Variants in SNTG1 observed in about 807,000 individuals in gnomAD.
SNTG1 encodes the protein syntrophin gamma 1.
A neutral mutation model predicts 74.7 loss-of-function variants in SNTG1; 39 were observed. The observed-to-expected ratio is 0.52, with a 90% CI of 0.40 to 0.68. The LOEUF is 0.68. Ranked by LOEUF, SNTG1 falls within the 30% of genes least tolerant of loss-of-function variation. The pLI, the probability that SNTG1 is intolerant of heterozygous loss-of-function variation, is 0.00. For missense variants in SNTG1, 685 were observed against 609.5 expected (o/e 1.12, Z -1.30); for synonymous variants, 254 against 217.1 (o/e 1.17, Z -1.49).
intron 4 of SNTG1, among the ~76,000 whole-genome samples, chr8:50,415,427 TA>T (rs1269744644): frequency 6.6e-6 from 1 of 152,130 alleles, no homozygotes; most frequent in Non-Finnish European, 1.5e-5. Context: ...AATATAAGGT[TA>T]ATGTAATTGA....
At chr8:50,072,648 G>T (rs1821472107) in intron 1 of SNTG1, among the ~76,000 whole-genome samples, 1 of 152,146 alleles carries the variant, frequency 6.6e-6, no homozygotes, top group South Asian at 2.1e-4. Flanking sequence ...AGTACTTGAA[G>T]ATGATGTACA....
chr8:50,691,673 C>T (rs2095380272), intron 15 of SNTG1, among the ~76,000 whole-genome samples: 1 of 152,096 alleles, frequency 6.6e-6, no homozygotes, highest in African/African-American at 2.4e-5. Flanking sequence ...TCTCTGGCTG[C>T]CCTTAACATT....
chr8:50,502,512 A>G (rs1365019043), intron 8 of SNTG1, among the ~76,000 whole-genome samples: 1 of 152,194 alleles, frequency 6.6e-6, no homozygotes, highest in Non-Finnish European at 1.5e-5. Flanking sequence ...CCTAATATAG[A>G]GCATAAACTC....
At chr8:50,538,863 T>TA (rs1342091831) in intron 11 of SNTG1, among the ~76,000 whole-genome samples, 1 of 152,136 alleles carries the variant, frequency 6.6e-6, no homozygotes, top group African/African-American at 2.4e-5. Context: ...AGAAACTTTT[T>TA]AAAAAATCTG....
At chr8:50,070,177 T>C (rs1482687155) in intron 1 of SNTG1, among the ~76,000 whole-genome samples, 1 of 152,202 alleles carries the variant, frequency 6.6e-6, no homozygotes, top group Non-Finnish European at 1.5e-5. Flanking sequence ...AAGAAGAACA[T>C]GTTCACTGGG....
At chr8:50,377,467 G>GT (rs1037268605) in intron 2 of SNTG1, among the ~76,000 whole-genome samples, 238 of 151,480 alleles carry the variant, frequency 1.6e-3, no homozygotes, top group African/African-American at 5.6e-3. Context: ...CATCTCATTT[G>GT]TTTTTTTTCT....
chr8:49,920,035 C>T (rs1806391344), intron 1 of SNTG1, among the ~76,000 whole-genome samples: 1 of 152,042 alleles, frequency 6.6e-6, no homozygotes, highest in Non-Finnish European at 1.5e-5. Context: ...TCTCTTCAAA[C>T]ACATCTTTTT....
intron 2 of SNTG1, among the ~76,000 whole-genome samples, chr8:50,355,827 A>T (rs569228959): frequency 6.6e-6 from 1 of 152,326 alleles, no homozygotes; most frequent in East Asian, 1.9e-4. Flanking sequence ...AGTACATTTA[A>T]TCTGTTCATT....
intron 17 of SNTG1, among the ~76,000 whole-genome samples, chr8:50,722,123 T>C (rs1190090638): frequency 6.6e-6 from 1 of 151,890 alleles, no homozygotes; most frequent in African/African-American, 2.4e-5. Context: ...TGTATGTATA[T>C]ATATACATAT....
At chr8:50,036,458 G>A (rs576066249) in intron 1 of SNTG1, among the ~76,000 whole-genome samples, 68 of 152,230 alleles carry the variant, frequency 4.5e-4, no homozygotes, top group African/African-American at 1.6e-3. Flanking sequence ...CCTTCTTCCA[G>A]GAAGCCACCA....
intron 2 of SNTG1, among the ~76,000 whole-genome samples, chr8:50,203,944 G>A (rs1333100167): frequency 6.6e-6 from 1 of 152,010 alleles, no homozygotes; most frequent in Non-Finnish European, 1.5e-5. Flanking sequence ...AAGTTATGTT[G>A]TTATTGATGA....
chr8:50,300,917 A>G (rs901910196), intron 2 of SNTG1, among the ~76,000 whole-genome samples: 13 of 152,166 alleles, frequency 8.5e-5, no homozygotes, highest in South Asian at 2.1e-4. Flanking sequence ...ACTTCATTTT[A>G]GTAATGAGTA....
At chr8:50,663,653 A>G (rs1015291136) in intron 15 of SNTG1, among the ~76,000 whole-genome samples, 1 of 152,186 alleles carries the variant, frequency 6.6e-6, no homozygotes, top group African/African-American at 2.4e-5. Flanking sequence ...TGCATTTTCA[A>G]TTACAGACTA....
chr8:49,930,370 C>A (rs907969916), intron 1 of SNTG1, among the ~76,000 whole-genome samples: 1 of 151,964 alleles, frequency 6.6e-6, no homozygotes, highest in East Asian at 1.9e-4. Context: ...TTGTGAGAAT[C>A]ATACTATAAC....
At chr8:49,923,522 A>C (rs2129346134) in intron 1 of SNTG1, among the ~76,000 whole-genome samples, 1 of 152,252 alleles carries the variant, frequency 6.6e-6, no homozygotes, top group South Asian at 2.1e-4. Context: ...TAAGATCTTC[A>C]CTGTAATGAA....
chr8:50,717,451 T>C (rs565211493), intron 17 of SNTG1, among the ~76,000 whole-genome samples: 3 of 152,242 alleles, frequency 2.0e-5, no homozygotes, highest in Admixed American at 6.5e-5. Context: ...CTTACAGCGT[T>C]ATTCTAAAAT....
Position 50,783,668 on chromosome 8 carries a change from G to T in SNTG1, c.1396-9003G>T, listed in dbSNP as rs554261551. 1.9e-3 allele frequency among the ~76,000 whole-genome samples: 295 copies of T among 152,304 alleles called. 2 individuals are homozygous for T. Among genetic ancestry groups the T allele is most frequent in the Non-Finnish European group, 5.9e-4 (40 of 68,030 alleles). ...CACTTCCCGAGTGAGGCAATGCCTT[G>T]CCCTGCTTCGGCTTGTGCACGGTGC... On this transcript the variant is annotated intron_variant, in intron 18 of 18. Coordinates refer to ENST00000642720, the MANE Select transcript of SNTG1 (RefSeq NM_018967.5).
chr8:50,519,117 G>A lies in SNTG1; in HGVS notation c.467-11060G>A, dbSNP rs940748605. Among the ~76,000 whole-genome samples, 5 of 152,190 alleles carry A rather than the reference G, an allele frequency of 3.3e-5. No homozygotes were observed. In the East Asian group the frequency reaches 5.8e-4, roughly 18 times the overall value. Reference sequence around the variant, plus strand: ...AAAGCTTATCCACCACGATCAAGCCGGCTTCATCCCTGGGATGCAAGCCTG... The same window carrying A: ...AAAGCTTATCCACCACGATCAAGCCAGCTTCATCCCTGGGATGCAAGCCTG... On this transcript the variant is annotated intron_variant, in intron 9 of 18. Transcript: ENST00000642720.
At chr8:49,931,226 A>T (rs1807558830) in intron 1 of SNTG1, among the ~76,000 whole-genome samples, 1 of 152,242 alleles carries the variant, frequency 6.6e-6, no homozygotes, top group African/African-American at 2.4e-5. Context: ...GTGGCAGAGT[A>T]ACATTTACAA....
Sources: allele counts gnomAD v4.1 joint callset (sites outside exome capture counted in the v4.1 genomes callset), GRCh38; gene constraint gnomAD v4.1.1; transcripts MANE v1.5; gene names NCBI Gene and HGNC (gene_info 2026-07-23, HGNC 2026-07-21).